The following CNR2 variants were observed in gnomAD, a reference collection of about 807,000 sequenced individuals.
CNR2 encodes the protein cannabinoid receptor 2 (macrophage).
For synonymous variants in CNR2, 172 were observed against 182.2 expected, an observed-to-expected ratio of 0.94 and a Z score of 0.45; for missense variants, 379 against 439.9, an observed-to-expected ratio of 0.86 and a Z score of 1.24.
chr1:23,904,079 A>C (rs534861299), intron 1 of CNR2, among the ~76,000 whole-genome samples: 200 of 152,086 alleles, frequency 1.3e-3, no homozygotes, highest in African/African-American at 4.7e-3. Context: ...CAGAGTTCAC[A>C]CTGCCTGAAG....
In CNR2 at chr1:23,874,958, C is replaced by T. The variant is rs3003336; in HGVS notation, c.660G>A (p.Val220=). The part of the protein sequence containing the change: ...GHVLWKAHQH[V]ASLSGHQDRQ... ...TGTCCTGGTGGCCAGACAAGCTGGC[C>T]ACATGCTGATGGGCCTTCCAGAGAA... The change falls in exon 2 of 2, where the codon GTG becomes GTA. Residue 220 remains valine, a synonymous_variant. Coordinates refer to ENST00000374472, the MANE Select transcript of CNR2 (RefSeq NM_001841.3). 0.59 allele frequency: 955,426 copies of T among 1,609,918 alleles called. 286,209 individuals are homozygous for T. The highest frequency in any genetic ancestry group is 0.76 in the African/African-American group (56,965 of 74,938).
chr1:23,912,597 A>G (rs1008344727), intron 1 of CNR2, among the ~76,000 whole-genome samples: 1 of 152,262 alleles, frequency 6.6e-6, no homozygotes, highest in Non-Finnish European at 1.5e-5. Context: ...CTCCTACTGC[A>G]TACGGCTGTT....
chr1:23,874,993 A>G lies in CNR2; in HGVS notation c.625T>C (p.Tyr209His). 6.2e-7 allele frequency: 1 copy of G among 1,610,408 alleles called. No individual in the cohort carries two copies. The highest frequency in any genetic ancestry group is 1.1e-5 in the South Asian group (1 of 90,458). The change falls in exon 2 of 2, where the codon TAT becomes CAT. Residue 209 changes from tyrosine (Y) to histidine (H), a missense_variant. By Grantham distance (83) the Tyr-to-His change is moderately conservative (BLOSUM62 2). Coordinates refer to ENST00000374472, the MANE Select transcript of CNR2 (RefSeq NM_001841.3). ...TGGGCCTTCCAGAGAACATGCCCAT[A>G]GGTGTAGATGATTCCGGAAAAGAGG... is the stretch of plus-strand genomic sequence containing the variant. ...AFLFSGIIYT[Y>H]GHVLWKAHQH...
intron 1 of CNR2, among the ~76,000 whole-genome samples, chr1:23,896,928 G>A (rs1026321910): frequency 2.0e-5 from 3 of 150,232 alleles, no homozygotes; most frequent in African/African-American, 7.3e-5. Context: ...ACCTAGGCTG[G>A]AGGCTGGAAT....
At chr1:23,901,755 T>G in intron 1 of CNR2, 15 of 1,449,000 alleles carry the variant, frequency 1.0e-5, no homozygotes, top group Admixed American at 3.4e-5. Context: ...CCAAGCCTCT[T>G]GAGCTCAATC....
At position 23,875,679 on chromosome 1, in the gene CNR2, A is replaced by G. The variant is rs1639863268; in HGVS notation, c.-45-17T>C. On this transcript the variant is annotated splice_polypyrimidine_tract_variant and intron_variant, in intron 1 of 1. Coordinates refer to ENST00000374472, the MANE Select transcript of CNR2 (RefSeq NM_001841.3). ...AAGGCTTTGCTGCAGTACAATGAGAAGAAGAAAATAATCTTTTTCAGTAAG... is the reference window on the plus strand; with the variant it reads ...AAGGCTTTGCTGCAGTACAATGAGAGGAAGAAAATAATCTTTTTCAGTAAG... The G allele has an allele frequency of 2.0e-6, 3 of 1,512,978 alleles. No homozygotes were observed. The Admixed American group carries it at 6.7e-5, about 34-fold the overall frequency. The allele number at this position is 1,512,978 out of a possible 1,614,324, so 93.7% of individuals were successfully genotyped here. A position where few individuals can be genotyped will look rare whatever the true frequency, so the allele number is the denominator to read the frequency against.
rs1639827304 is a variant in CNR2 at position 23,874,450 on chromosome 1, A to C, written c.*85T>G. ...TAGGTGTCTGGGACTGGTTTAAGTA[A>C]GAAGAGAGTGCCAAGACCCCTCTCT... On this transcript the variant is annotated 3_prime_UTR_variant, in exon 2 of 2. Transcript: ENST00000374472. 8.4e-6 allele frequency: 12 copies of C among 1,433,806 alleles called. No individual in the cohort carries two copies. Among genetic ancestry groups the C allele is most frequent in the Non-Finnish European group, 1.1e-5 (12 of 1,059,968 alleles). The allele number at this position is 1,433,806 out of a possible 1,614,324, so 88.8% of individuals were successfully genotyped here.
intron 1 of CNR2, among the ~76,000 whole-genome samples, chr1:23,897,794 T>C (rs1640309385): frequency 6.6e-6 from 1 of 152,144 alleles, no homozygotes; most frequent in Non-Finnish European, 1.5e-5. Context: ...AATAACTTTT[T>C]GTGGCAAATC....
intron 1 of CNR2, among the ~76,000 whole-genome samples, chr1:23,896,860 A>G (rs1640294621): frequency 6.8e-6 from 1 of 147,164 alleles, no homozygotes; most frequent in Non-Finnish European, 1.5e-5. Context: ...CCTTCTCAGT[A>G]GGTCCATCTG....
intron 1 of CNR2, among the ~76,000 whole-genome samples, chr1:23,902,910 C>T (rs1297300684): frequency 6.6e-6 from 1 of 151,198 alleles, no homozygotes; most frequent in East Asian, 1.9e-4. Context: ...TAGAGCTCCG[C>T]CGCCATCCTC....
rs960254388 is a variant in CNR2 at position 23,888,971 on chromosome 1, A to AAAAT, written c.-45-13313_-45-13310dup. Among the ~76,000 whole-genome samples the AAAAT allele has an allele frequency of 5.9e-5, 9 of 152,270 alleles. No homozygotes were observed. In the East Asian group the frequency reaches 7.7e-4, roughly 13 times the overall value. ...GCAATAAAGCTAGATTCAGTTTAAA[A>AAAAT]AAATAAATAAATAAATAAAGAAGAA... is the stretch of plus-strand genomic sequence containing the variant. On this transcript the variant is annotated intron_variant, in intron 1 of 1. Transcript: ENST00000374472.
intron 1 of CNR2, among the ~76,000 whole-genome samples, chr1:23,900,416 G>A (rs977521670): frequency 3.9e-5 from 6 of 152,008 alleles, no homozygotes; most frequent in African/African-American, 7.3e-5. Context: ...CTGTCTAGGC[G>A]GCAGGCAAGG....
intron 1 of CNR2, among the ~76,000 whole-genome samples, chr1:23,899,151 T>C (rs77612814): frequency 0.011 from 1,637 of 152,256 alleles, 33 homozygotes; most frequent in African/African-American, 0.037. Flanking sequence ...TGTCTCATTT[T>C]CACGATCTTA....
chr1:23,875,024 G>A lies in CNR2; in HGVS notation c.594C>T (p.Ile198=), dbSNP rs776794893. The change falls in exon 2 of 2, where the codon ATC becomes ATT. Residue 198 remains isoleucine (I), a synonymous_variant. Coordinates refer to ENST00000374472, the MANE Select transcript of CNR2 (RefSeq NM_001841.3). ...NDYLLSWLLF[I]AFLFSGIIYT... Reference sequence around the variant, plus strand: ...AGATGATTCCGGAAAAGAGGAAGGCGATGAACAGGAGCCAGCTCAGCAGGT... The same window carrying A: ...AGATGATTCCGGAAAAGAGGAAGGCAATGAACAGGAGCCAGCTCAGCAGGT... 73 of 1,608,736 alleles carry A rather than the reference G, an allele frequency of 4.5e-5. No homozygotes were observed. Among genetic ancestry groups the A allele is most frequent in the Non-Finnish European group, 5.4e-5 (63 of 1,177,542 alleles).
At chr1:23,885,776 G>A (rs1570708062) in intron 1 of CNR2, among the ~76,000 whole-genome samples, 1 of 152,206 alleles carries the variant, frequency 6.6e-6, no homozygotes. Flanking sequence ...TACTCAGGAA[G>A]CTGAGGCAGG....
intron 1 of CNR2, among the ~76,000 whole-genome samples, chr1:23,898,220 G>A (rs1298362563): frequency 2.0e-5 from 3 of 151,656 alleles, no homozygotes; most frequent in African/African-American, 7.3e-5. Flanking sequence ...TGTATTTTTA[G>A]TAGACACAGG....
Position 23,874,456 on chromosome 1 carries a change from G to T in CNR2, c.*79C>A, listed in dbSNP as rs1639827386. On this transcript the variant is annotated 3_prime_UTR_variant, in exon 2 of 2. Transcript: ENST00000374472. ...TCTGGGACTGGTTTAAGTAAGAAGAGAGTGCCAAGACCCCTCTCTCTCTTC... is the reference window on the plus strand; with the variant it reads ...TCTGGGACTGGTTTAAGTAAGAAGATAGTGCCAAGACCCCTCTCTCTCTTC... 1 of 1,454,794 alleles carries T rather than the reference G, an allele frequency of 6.9e-7. No homozygotes were observed. 90.1% of individuals were successfully genotyped at this position (1,454,794 alleles called of 1,614,324 possible).
intron 1 of CNR2, among the ~76,000 whole-genome samples, chr1:23,887,298 C>A (rs537571175): frequency 6.6e-6 from 1 of 152,290 alleles, no homozygotes; most frequent in South Asian, 2.1e-4. Context: ...AGGATCCCTG[C>A]AACCCTGCTA....
rs548579858 is a variant in CNR2 at position 23,883,479 on chromosome 1, T to C, written c.-45-7817A>G. On this transcript the variant is annotated intron_variant, in intron 1 of 1. Coordinates refer to ENST00000374472, the MANE Select transcript of CNR2 (RefSeq NM_001841.3). ...GGATAAATAAGTTGTAATACAGCCATACGAAGGAATACCACAAAGTGGTGA... is the reference window on the plus strand; with the variant it reads ...GGATAAATAAGTTGTAATACAGCCACACGAAGGAATACCACAAAGTGGTGA... Among the ~76,000 whole-genome samples the C allele has an allele frequency of 2.6e-5, 4 of 152,318 alleles. No individual in the cohort carries two copies. The South Asian group carries it at 8.3e-4, about 32-fold the overall frequency.
Sources: allele counts gnomAD v4.1 joint callset (sites outside exome capture counted in the v4.1 genomes callset), GRCh38; gene constraint gnomAD v4.1.1; transcripts MANE v1.5; gene names NCBI Gene and HGNC (gene_info 2026-07-23, HGNC 2026-07-21).